Variants in NDE1 observed in about 807,000 individuals in gnomAD.
The protein encoded by NDE1 is nuclear distribution protein nudE homolog 1.
A neutral mutation model predicts 43.4 loss-of-function variants in NDE1; 28 were observed. The ratio of observed to expected loss-of-function variants is 0.65; its 90% CI spans 0.48 to 0.89. The LOEUF is 0.89. Ranked by LOEUF, NDE1 falls within the 40% of genes least tolerant of loss-of-function variation. NDE1 has a pLI of 0.00. For synonymous variants in NDE1, 184 were observed against 172.0 expected, an observed-to-expected ratio of 1.07 and a Z score of -0.55; for missense variants, 441 against 434.1, an observed-to-expected ratio of 1.02 and a Z score of -0.14.
chr16:15,669,916 C>T (rs965392680), intron 3 of NDE1, among the ~76,000 whole-genome samples: 5 of 152,170 alleles, frequency 3.3e-5, no homozygotes, highest in Non-Finnish European at 7.3e-5. Context: ...ATCTGGAGAC[C>T]CAGTGCTCTG....
chr16:15,703,588 G>A, intron 8 of NDE1: 1 of 376,010 alleles, frequency 2.7e-6, no homozygotes, highest in Non-Finnish European at 5.0e-6. Flanking sequence ...GGGGTAGTAG[G>A]GGTGGTGGTG....
At chr16:15,650,440 C>G (rs2036441579) in intron 1 of NDE1, 146 bp downstream of exon 1, 1 of 157,774 alleles carries the variant, frequency 6.3e-6, no homozygotes, top group Non-Finnish European at 1.4e-5. Context: ...GCTTGCGCGT[C>G]GCTTCCCGGC....
At chr16:15,673,366 G>A (rs546114628) in intron 3 of NDE1, among the ~76,000 whole-genome samples, 1 of 151,998 alleles carries the variant, frequency 6.6e-6, no homozygotes, top group South Asian at 2.1e-4. Flanking sequence ...ACCACACCCA[G>A]CTATTTTTTG....
At chr16:15,671,743 T>G (rs1416656890) in intron 3 of NDE1, among the ~76,000 whole-genome samples, 1 of 152,076 alleles carries the variant, frequency 6.6e-6, no homozygotes, top group Non-Finnish European at 1.5e-5. Flanking sequence ...CAGGCTGGAG[T>G]GCAGTGGTGT....
Position 15,675,284 on chromosome 16 carries a change from C to T in NDE1, c.238-2517C>T, listed in dbSNP as rs140817709. On this transcript the variant is annotated intron_variant, in intron 3 of 8. Coordinates refer to ENST00000396354, the MANE Select transcript of NDE1 (RefSeq NM_017668.3). ...CACGATCTGGGCTCACTGCAACCTCCGCCTCCCGGGTTCAAGAGATTGGCC... is the reference window on the plus strand; with the variant it reads ...CACGATCTGGGCTCACTGCAACCTCTGCCTCCCGGGTTCAAGAGATTGGCC... Among the ~76,000 whole-genome samples, 15 of 152,050 alleles carry T rather than the reference C, an allele frequency of 9.9e-5. No individual in the cohort carries two copies. The East Asian group carries it at 1.7e-3, about 18-fold the overall frequency.
Position 15,724,261 on chromosome 16 carries a change from T to C in NDE1, c.*10T>C. On this transcript the variant is annotated 3_prime_UTR_variant, in exon 9 of 9. Coordinates refer to ENST00000396354, the MANE Select transcript of NDE1 (RefSeq NM_017668.3). Reference sequence around the variant, plus strand: ...GTCCAGCTCCTGCTGAAGCCTGTTCTTGGTCTTTTCCAGTTTATCATAAGC... The same window carrying C: ...GTCCAGCTCCTGCTGAAGCCTGTTCCTGGTCTTTTCCAGTTTATCATAAGC... The C allele has an allele frequency of 6.2e-7, 1 of 1,614,246 alleles. No individual in the cohort carries two copies.
chr16:15,680,938 T>A (rs1029427268), intron 4 of NDE1, among the ~76,000 whole-genome samples: 1 of 152,080 alleles, frequency 6.6e-6, no homozygotes, highest in African/African-American at 2.4e-5. Flanking sequence ...TCATTTTCCA[T>A]ACAAATATTT....
Position 15,724,529 on chromosome 16 carries a change from G to A in NDE1, c.*278G>A, listed in dbSNP as rs532881817. The A allele has an allele frequency of 4.5e-5, 73 of 1,606,186 alleles. 1 individual carries two copies. The South Asian group carries it at 5.3e-4, about 12-fold the overall frequency. ...CTCGTTGGAGAAACCCAATAGCAGG[G>A]GAAGCTGGGGGGTCAAGCACCATCG... is the stretch of plus-strand genomic sequence containing the variant. On this transcript the variant is annotated 3_prime_UTR_variant, in exon 9 of 9. Transcript: ENST00000396354.
At chr16:15,659,328 T>G (rs547904639) in intron 1 of NDE1, among the ~76,000 whole-genome samples, 4 of 151,914 alleles carry the variant, frequency 2.6e-5, no homozygotes, top group Non-Finnish European at 4.4e-5. Context: ...GTTGGTTATA[T>G]CTTAGAAAGT....
intron 8 of NDE1, chr16:15,719,114 T>G: frequency 8.8e-7 from 1 of 1,138,664 alleles, no homozygotes; most frequent in Non-Finnish European, 1.3e-6. Context: ...GGTGACAGAA[T>G]GAAACTCTGT....
intron 8 of NDE1, among the ~76,000 whole-genome samples, chr16:15,699,212 C>T (rs932429616): frequency 2.0e-5 from 3 of 151,748 alleles, no homozygotes; most frequent in African/African-American, 7.3e-5. Flanking sequence ...GATCTTCCCA[C>T]CTTGACCTCC....
At chr16:15,667,210 C>T (rs954697112) in intron 2 of NDE1, 76 bp from the exon 3 acceptor site, 5 of 1,522,668 alleles carry the variant, frequency 3.3e-6, no homozygotes, top group Admixed American at 1.7e-5. Context: ...TGCAGCACTG[C>T]ATTGCAGCCT....
intron 1 of NDE1, among the ~76,000 whole-genome samples, chr16:15,655,157 A>G (rs1394385417): frequency 6.6e-6 from 1 of 152,086 alleles, no homozygotes; most frequent in Non-Finnish European, 1.5e-5. Flanking sequence ...AGCTGGAATT[A>G]TAGGTGCGCT....
At chr16:15,689,867 G>C (rs1219946913) in intron 5 of NDE1, among the ~76,000 whole-genome samples, 1 of 65,852 alleles carries the variant, frequency 1.5e-5, no homozygotes, top group Non-Finnish European at 2.6e-5. Context: ...TTGAACCCGG[G>C]AGGCAGATTT....
chr16:15,662,570 A>G (rs1264005906), intron 1 of NDE1, among the ~76,000 whole-genome samples: 6 of 151,636 alleles, frequency 4.0e-5, no homozygotes, highest in African/African-American at 1.2e-4. Context: ...GGCATGAGCC[A>G]CCGTGCCTGG....
At chr16:15,719,869 G>T (rs1480091942) in intron 8 of NDE1, among the ~76,000 whole-genome samples, 1 of 152,180 alleles carries the variant, frequency 6.6e-6, no homozygotes, top group African/African-American at 2.4e-5. Flanking sequence ...CAGGTGGCTG[G>T]TGGTGCGCTG....
At chr16:15,691,067 C>T in intron 5 of NDE1, 77 bp from the exon 6 acceptor site, 1 of 1,593,848 alleles carries the variant, frequency 6.3e-7, no homozygotes, top group South Asian at 1.1e-5. Context: ...CTTGGCCTCC[C>T]AAAGTGCTGG....
At chr16:15,661,155 T>A (rs2037024132) in intron 1 of NDE1, among the ~76,000 whole-genome samples, 1 of 129,828 alleles carries the variant, frequency 7.7e-6, no homozygotes, top group Non-Finnish European at 1.6e-5. Flanking sequence ...GAGTTTTACT[T>A]GTTTTTTTTT....
At chr16:15,680,282 T>C (rs1350103555) in intron 4 of NDE1, among the ~76,000 whole-genome samples, 2 of 152,076 alleles carry the variant, frequency 1.3e-5, no homozygotes, top group Non-Finnish European at 2.9e-5. Context: ...GAAGATACTA[T>C]ATTCAGAATG....
Sources: gnomAD v4.1 joint callset for allele counts (sites outside exome capture counted in the v4.1 genomes callset) on GRCh38, gnomAD v4.1.1 for gene constraint, MANE v1.5 for transcripts, NCBI Gene and HGNC (gene_info 2026-07-23, HGNC 2026-07-21) for gene names.